CREB1: variants seen among roughly 807,000 people sequenced by gnomAD.
The protein encoded by CREB1 is cyclic AMP-responsive element-binding protein 1.
In CREB1, 2 loss-of-function variants were observed where a neutral mutation model predicts 42.0. The observed-to-expected ratio is 0.05, with a 90% confidence interval of 0.02 to 0.15. The LOEUF is 0.15. CREB1 is among the 10% of genes least tolerant of loss of function. The pLI, the probability that CREB1 is intolerant of heterozygous loss-of-function variation, is 1.00. For missense variants in CREB1, 199 were observed against 388.9 expected, an observed-to-expected ratio of 0.51 and a Z score of 4.11; for synonymous variants, 123 against 139.9, an observed-to-expected ratio of 0.88 and a Z score of 0.85.
chr2:207,561,058 T>C, intron 3 of CREB1: 1 of 1,481,308 alleles, frequency 6.8e-7, no homozygotes. Context: ...AAAAAAGACT[T>C]GAACGTTCAT....
intron 7 of CREB1, chr2:207,581,633 C>G (rs769563565): frequency 7.4e-6 from 3 of 403,908 alleles, no homozygotes; most frequent in Non-Finnish European, 1.3e-5. Flanking sequence ...TTTAAACTTA[C>G]AAAGGAGTTT....
intron 2 of CREB1, among the ~76,000 whole-genome samples, chr2:207,558,938 C>A (rs911739316): frequency 6.6e-6 from 1 of 152,168 alleles, no homozygotes; most frequent in East Asian, 1.9e-4. Flanking sequence ...CCACATTGCC[C>A]GGCCTAAAGT....
intron 1 of CREB1, among the ~76,000 whole-genome samples, chr2:207,548,797 A>G (rs1559272457): frequency 6.6e-6 from 1 of 151,532 alleles, no homozygotes; most frequent in Non-Finnish European, 1.5e-5. Context: ...TTTGCTATTT[A>G]TTGCCCTGTT....
intron 3 of CREB1, among the ~76,000 whole-genome samples, chr2:207,565,106 T>G (rs995637116): frequency 6.6e-6 from 1 of 152,056 alleles, no homozygotes; most frequent in Admixed American, 6.6e-5. Flanking sequence ...AGATTACCTG[T>G]ATACTCCCTC....
At chr2:207,565,981 G>A (rs995570274) in intron 3 of CREB1, among the ~76,000 whole-genome samples, 8 of 152,112 alleles carry the variant, frequency 5.3e-5, no homozygotes, top group Non-Finnish European at 1.0e-4. Flanking sequence ...AGTAATTACA[G>A]CATTATTATT....
chr2:207,570,045 A>C lies in CREB1; in HGVS notation c.363-134A>C. ...GACAGAGCAAGACTCCATCTCAAAA[A>C]AAAAAAAAAAAAAAAAACCTTCTGT... On this transcript the variant is annotated intron_variant, in intron 4 of 7. Transcript: ENST00000353267. 2.4e-5 allele frequency: 14 copies of C among 575,424 alleles called. No homozygotes were observed. The East Asian group carries it at 5.4e-4, about 22-fold the overall frequency. 35.6% of individuals were successfully genotyped at this position (575,424 alleles called of 1,614,324 possible). A position where few individuals can be genotyped will look rare whatever the true frequency, so the allele number is the denominator to read the frequency against.
intron 1 of CREB1, among the ~76,000 whole-genome samples, chr2:207,538,008 A>G (rs970542748): frequency 6.6e-6 from 1 of 152,230 alleles, no homozygotes; most frequent in Admixed American, 6.5e-5. Context: ...CACATTATAC[A>G]CATAGCCTGA....
chr2:207,536,147 A>G, intron 1 of CREB1, among the ~76,000 whole-genome samples: 1 of 152,166 alleles, frequency 6.6e-6, no homozygotes, highest in East Asian at 1.9e-4. Context: ...TGCTGTTTGT[A>G]TTTATCTTTA....
intron 3 of CREB1, chr2:207,560,968 G>GT (rs2081935994): frequency 1.5e-6 from 1 of 651,220 alleles, no homozygotes; most frequent in Non-Finnish European, 2.7e-6. Context: ...TAAAGGCACT[G>GT]TAGACCTTTG....
chr2:207,604,813 T>C lies in CREB1; in HGVS notation c.*7755T>C, dbSNP rs1332299009. The stretch of plus-strand genomic sequence containing the variant: ...TTCTTTGGATTTACATCCGGGTATT[T>C]CATGTGAGACTCATACACTGTGTAT... On this transcript the variant is annotated 3_prime_UTR_variant, in exon 8 of 8. Transcript: ENST00000353267. Among the ~76,000 whole-genome samples, 3 of 152,232 alleles carry C rather than the reference T, an allele frequency of 2.0e-5. No homozygotes were observed. Among genetic ancestry groups the C allele is most frequent in the African/African-American group, 7.2e-5 (3 of 41,468 alleles).
chr2:207,573,537 A>C (rs1459130215), intron 5 of CREB1, among the ~76,000 whole-genome samples: 1 of 152,136 alleles, frequency 6.6e-6, no homozygotes, highest in Non-Finnish European at 1.5e-5. Context: ...GGAGTTCAAG[A>C]TCAGCCTGGG....
chr2:207,572,402 A>G (rs949196597), intron 5 of CREB1, among the ~76,000 whole-genome samples: 3 of 152,202 alleles, frequency 2.0e-5, no homozygotes, highest in Non-Finnish European at 2.9e-5. Flanking sequence ...ATACAGCAAC[A>G]TTTATATTTC....
intron 1 of CREB1, among the ~76,000 whole-genome samples, chr2:207,549,463 A>G (rs971906208): frequency 2.6e-5 from 4 of 152,142 alleles, no homozygotes; most frequent in Admixed American, 2.6e-4. Flanking sequence ...AAGTAGGGGA[A>G]AACAGTAGAC....
Position 207,601,469 on chromosome 2 carries a change from A to T in CREB1, c.*4411A>T, listed in dbSNP as rs906551104. The T allele has an allele frequency of 2.6e-5, 5 of 192,302 alleles. No individual in the cohort carries two copies. Among genetic ancestry groups the T allele is most frequent in the Non-Finnish European group, 5.4e-5 (5 of 92,098 alleles). 11.9% of individuals were successfully genotyped at this position (192,302 alleles called of 1,614,324 possible). A position where few individuals can be genotyped will look rare whatever the true frequency, so the allele number is the denominator to read the frequency against. On this transcript the variant is annotated 3_prime_UTR_variant, in exon 8 of 8. Coordinates refer to ENST00000353267, the MANE Select transcript of CREB1 (RefSeq NM_004379.5). ...GAAATTAGATATGACTAGCCCAGTT[A>T]ATTAAAAGACGGGCTCAAACCTTGT...
intron 7 of CREB1, among the ~76,000 whole-genome samples, chr2:207,590,780 A>G (rs1438450548): frequency 1.3e-5 from 2 of 152,194 alleles, no homozygotes; most frequent in African/African-American, 2.4e-5. Flanking sequence ...TTTATTTACA[A>G]AAACAAGCAG....
At position 207,597,071 on chromosome 2, in the gene CREB1, A is replaced by T; in HGVS notation, c.*13A>T. On this transcript the variant is annotated 3_prime_UTR_variant, in exon 8 of 8. Coordinates refer to ENST00000353267, the MANE Select transcript of CREB1 (RefSeq NM_004379.5). ...CAAATCAGATTAATTTGGGATTTAA[A>T]TTTTCACCTGTTAAGGTGGAAAATG... The T allele has an allele frequency of 2.5e-6, 4 of 1,586,180 alleles. No homozygotes were observed. Among genetic ancestry groups the T allele is most frequent in the Non-Finnish European group, 3.4e-6 (4 of 1,171,208 alleles).
intron 7 of CREB1, among the ~76,000 whole-genome samples, chr2:207,591,091 G>A (rs2084946178): frequency 6.6e-6 from 1 of 152,106 alleles, no homozygotes. Flanking sequence ...AAATTATCAA[G>A]TATCATATCA....
chr2:207,580,446 A>G (rs2082831070), intron 7 of CREB1, among the ~76,000 whole-genome samples: 1 of 152,166 alleles, frequency 6.6e-6, no homozygotes. Flanking sequence ...AGAAATTTAT[A>G]CCAGCAGTGG....
chr2:207,540,884 G>GT (rs974141934), intron 1 of CREB1, among the ~76,000 whole-genome samples: 3 of 152,080 alleles, frequency 2.0e-5, no homozygotes, highest in Admixed American at 6.6e-5. Flanking sequence ...GTAAGCTACG[G>GT]TTAATGTATT....
Sources: gnomAD v4.1 joint callset for allele counts (sites outside exome capture counted in the v4.1 genomes callset) on GRCh38, gnomAD v4.1.1 for gene constraint, MANE v1.5 for transcripts, NCBI Gene and HGNC (gene_info 2026-07-23, HGNC 2026-07-21) for gene names.